The following PLPP1 variants were observed in gnomAD, a reference collection of about 807,000 sequenced individuals.
PLPP1 encodes the protein phospholipid phosphatase 1.
In PLPP1, 24 loss-of-function variants were observed where a neutral mutation model predicts 31.2. That is an observed-to-expected ratio of 0.77 (90% CI 0.56 to 1.08). PLPP1 has a LOEUF of 1.08. PLPP1 is among the 50% of genes least tolerant of loss of function. The probability of loss-of-function intolerance (pLI) is 0.00; values close to 1 mark genes in which losing one functional copy is unlikely to be tolerated. For synonymous variants in PLPP1, 146 were observed against 126.3 expected (o/e 1.16, Z -1.05); for missense variants, 319 against 342.7 (o/e 0.93, Z 0.55).
intron 1 of PLPP1, among the ~76,000 whole-genome samples, chr5:55,478,302 G>A (rs1000073884): frequency 6.6e-6 from 1 of 152,154 alleles, no homozygotes; most frequent in Non-Finnish European, 1.5e-5. Context: ...AAATATTCAT[G>A]TGGGCAAATA....
At chr5:55,474,107 C>T (rs1561237189) in intron 2 of PLPP1, among the ~76,000 whole-genome samples, 1 of 151,852 alleles carries the variant, frequency 6.6e-6, no homozygotes. Context: ...AGCGATTCTC[C>T]TGCCTCAGCA....
In PLPP1 at chr5:55,534,650, G is replaced by T. The variant is rs747380753; in HGVS notation, c.-21C>A. 1.3e-6 allele frequency: 2 copies of T among 1,538,404 alleles called. No individual in the cohort carries two copies. The highest frequency in any genetic ancestry group is 2.6e-5 in the East Asian group (1 of 38,904). On this transcript the variant is annotated 5_prime_UTR_variant, in exon 1 of 6. Transcript: ENST00000307259. ...AACATGGTCTCTGCCCGGGCTGCCCGGCAAGGGCGATGGACTGAGCTGCGG... is the reference window on the plus strand; with the variant it reads ...AACATGGTCTCTGCCCGGGCTGCCCTGCAAGGGCGATGGACTGAGCTGCGG...
At chr5:55,500,803 G>T (rs2111880063) in intron 1 of PLPP1, among the ~76,000 whole-genome samples, 1 of 152,226 alleles carries the variant, frequency 6.6e-6, no homozygotes, top group African/African-American at 2.4e-5. Flanking sequence ...AGAAATAACG[G>T]GGGGAACAGG....
intron 3 of PLPP1, among the ~76,000 whole-genome samples, chr5:55,459,799 C>T (rs1752111887): frequency 6.6e-6 from 1 of 152,114 alleles, no homozygotes; most frequent in Admixed American, 6.5e-5. Context: ...AGCATGCCTG[C>T]CTTTCCTGCC....
chr5:55,446,426 T>C (rs950043768), intron 3 of PLPP1, among the ~76,000 whole-genome samples: 1 of 152,240 alleles, frequency 6.6e-6, no homozygotes, highest in Non-Finnish European at 1.5e-5. Flanking sequence ...TTGGCCAACT[T>C]TGATTCTCTT....
rs191746703 is a variant in PLPP1 at position 55,468,752 on chromosome 5, G to A, written c.211-603C>T. On this transcript the variant is annotated intron_variant, in intron 2 of 5. Transcript: ENST00000307259. ...TGGGAGGCAGAGGTTGCAGTGAGCC[G>A]AGATCATGCCATTGTACTCCAGCCT... Among the ~76,000 whole-genome samples, 26 of 152,226 alleles carry A rather than the reference G, an allele frequency of 1.7e-4. No individual in the cohort carries two copies. In the East Asian group the frequency reaches 3.7e-3, roughly 21 times the overall value.
At chr5:55,450,951 T>C (rs1751878344) in intron 3 of PLPP1, among the ~76,000 whole-genome samples, 1 of 152,212 alleles carries the variant, frequency 6.6e-6, no homozygotes, top group Admixed American at 6.5e-5. Flanking sequence ...CGCATTGTTA[T>C]TGTTTTAAGA....
In PLPP1 at chr5:55,460,451, A is replaced by G. The variant is rs78316496; in HGVS notation, c.491+7418T>C. ...GCCAGATCAGTCAAGAAAAAAAGAC[A>G]TAAGACACAAATTATCAATAGTAAG... On this transcript the variant is annotated intron_variant, in intron 3 of 5. Transcript: ENST00000307259. 1.3e-4 allele frequency among the ~76,000 whole-genome samples: 20 copies of G among 152,346 alleles called. No individual in the cohort carries two copies. The East Asian group carries it at 2.1e-3, about 16-fold the overall frequency.
At chr5:55,523,124 T>C (rs948793343) in intron 1 of PLPP1, among the ~76,000 whole-genome samples, 5 of 152,012 alleles carry the variant, frequency 3.3e-5, no homozygotes, top group Non-Finnish European at 7.4e-5. Context: ...TAAATATACA[T>C]ACATATGGGG....
intron 1 of PLPP1, among the ~76,000 whole-genome samples, chr5:55,489,198 C>A (rs568237000): frequency 8.3e-4 from 127 of 152,238 alleles, no homozygotes; most frequent in South Asian, 2.5e-3. Context: ...AACTCCATCT[C>A]AAAAATATAT....
intron 3 of PLPP1, among the ~76,000 whole-genome samples, chr5:55,463,780 CATAAATAAATAAATAAATAA>C (rs58202815): frequency 2.1e-3 from 280 of 131,414 alleles, no homozygotes; most frequent in African/African-American, 5.4e-3. Flanking sequence ...GACCCTGTCC[CATAAATAAATAAATAAATAA>C]ATAAATAAAT....
Position 55,425,319 on chromosome 5 carries a change from C to G in PLPP1, c.742G>C (p.Asp248His), listed in dbSNP as rs770035288. Residue 248 changes from aspartate (D) to histidine (H), a missense_variant, in exon 6 of 6, where the codon GAT (aspartate) becomes CAT (histidine). By Grantham distance (81) the Asp-to-His change is moderately conservative. Transcript: ENST00000307259. ...AAAGAAGTTCTTTCTTTGAAGAAAT[C>G]CGATACATATACAGCCTACAGTGCA... Reference protein sequence around the residue: ...VAILVAVYVSDFFKERTSFKE... With the variant: ...VAILVAVYVSHFFKERTSFKE... The G allele has an allele frequency of 6.2e-7, 1 of 1,604,026 alleles. No homozygotes were observed. Among genetic ancestry groups the G allele is most frequent in the South Asian group, 1.1e-5 (1 of 90,748 alleles).
chr5:55,533,129 A>G (rs902818252), intron 1 of PLPP1, among the ~76,000 whole-genome samples: 3 of 152,022 alleles, frequency 2.0e-5, no homozygotes, highest in Admixed American at 2.0e-4. Context: ...CACACCTGTA[A>G]TCCCAACACT....
At position 55,427,776 on chromosome 5, in the gene PLPP1, G is replaced by A. The variant is rs545994875; in HGVS notation, c.550-1737C>T. Reference sequence around the variant, plus strand: ...ATCAACTAAGCTCCAACACTTTTTTGGGGGGGGGGATGTGGGAGGGGGAAG... The same window carrying A: ...ATCAACTAAGCTCCAACACTTTTTTAGGGGGGGGGATGTGGGAGGGGGAAG... On this transcript the variant is annotated intron_variant, in intron 4 of 5. Transcript: ENST00000307259. 3.1e-3 allele frequency among the ~76,000 whole-genome samples: 392 copies of A among 124,824 alleles called. 1 individual carries two copies. The highest frequency in any genetic ancestry group is 8.5e-3 in the Middle Eastern group (2 of 234). The allele number at this position is 124,824 out of a possible 152,430, so 81.9% of individuals were successfully genotyped here.
chr5:55,465,344 G>A (rs775698082), intron 3 of PLPP1, among the ~76,000 whole-genome samples: 2 of 151,954 alleles, frequency 1.3e-5, no homozygotes, highest in African/African-American at 4.8e-5. Flanking sequence ...CACGCCAGCC[G>A]TACTCCTATA....
In PLPP1 at chr5:55,424,919, T is replaced by C; in HGVS notation, c.*287A>G. The C allele has an allele frequency of 3.1e-6, 2 of 653,420 alleles. No individual in the cohort carries two copies. The highest frequency in any genetic ancestry group is 4.1e-5 in the South Asian group (2 of 48,332). 40.5% of individuals were successfully genotyped at this position (653,420 alleles called of 1,614,324 possible). On this transcript the variant is annotated 3_prime_UTR_variant, in exon 6 of 6. Transcript: ENST00000307259. ...TCAAACATCATTCATAGAAAGCATA[T>C]TACATACATGTTTATACATAAGCAT...
At chr5:55,521,752 G>A (rs1006279337) in intron 1 of PLPP1, among the ~76,000 whole-genome samples, 12 of 152,004 alleles carry the variant, frequency 7.9e-5, no homozygotes, top group African/African-American at 2.7e-4. Flanking sequence ...TCCCTTGATC[G>A]AAAAATGCAT....
At chr5:55,517,340 C>T (rs1423861466) in intron 1 of PLPP1, among the ~76,000 whole-genome samples, 1 of 152,126 alleles carries the variant, frequency 6.6e-6, no homozygotes, top group African/African-American at 2.4e-5. Context: ...GCCTGCACCA[C>T]CAAGCCCAGT....
At chr5:55,518,402 T>TG (rs1315918587) in intron 1 of PLPP1, among the ~76,000 whole-genome samples, 1 of 151,846 alleles carries the variant, frequency 6.6e-6, no homozygotes, top group Non-Finnish European at 1.5e-5. Context: ...GACACCCAGC[T>TG]GGGGCCTCAG....
Sources: allele counts gnomAD v4.1 joint callset (sites outside exome capture counted in the v4.1 genomes callset), GRCh38; gene constraint gnomAD v4.1.1; transcripts MANE v1.5; gene names NCBI Gene and HGNC (gene_info 2026-07-23, HGNC 2026-07-21).